The following DOK6 variants were observed in gnomAD, a reference collection of about 807,000 sequenced individuals.
DOK6 encodes docking protein 6.
DOK6 carries 22 observed loss-of-function variants against 44.0 expected under a neutral mutation model. That is an observed-to-expected ratio of 0.50 (90% CI 0.36 to 0.71). The LOEUF is 0.71. Ranked by LOEUF, DOK6 falls within the 30% of genes least tolerant of loss-of-function variation. The pLI, the probability that DOK6 is intolerant of heterozygous loss-of-function variation, is 0.00. For synonymous variants in DOK6, 166 were observed against 145.5 expected, an observed-to-expected ratio of 1.14 and a Z score of -1.01; for missense variants, 340 against 416.4, an observed-to-expected ratio of 0.82 and a Z score of 1.60.
intron 5 of DOK6, among the ~76,000 whole-genome samples, chr18:69,724,404 A>T (rs943516572): frequency 7.2e-5 from 11 of 152,226 alleles, no homozygotes; most frequent in African/African-American, 2.7e-4. Context: ...TTTAACAACT[A>T]GCAAAGCTGA....
chr18:69,560,588 A>G (rs1982805204), intron 1 of DOK6, among the ~76,000 whole-genome samples: 1 of 151,718 alleles, frequency 6.6e-6, no homozygotes, highest in South Asian at 2.1e-4. Context: ...TGAAAACTTT[A>G]AAACTATACT....
intron 7 of DOK6, among the ~76,000 whole-genome samples, chr18:69,768,591 C>A (rs1979789763): frequency 6.7e-6 from 1 of 150,118 alleles, no homozygotes; most frequent in South Asian, 2.2e-4. Context: ...GTATTTTGAA[C>A]AAGTTTTCCT....
chr18:69,837,841 T>C (rs1823231022), intron 7 of DOK6, among the ~76,000 whole-genome samples: 1 of 152,324 alleles, frequency 6.6e-6, no homozygotes, highest in Middle Eastern at 3.4e-3. Context: ...TGAAGTGACA[T>C]GTACAGTTTT....
intron 5 of DOK6, among the ~76,000 whole-genome samples, chr18:69,713,789 A>T (rs1599280318): frequency 6.6e-6 from 1 of 152,098 alleles, no homozygotes; most frequent in East Asian, 1.9e-4. Context: ...CCTCCTTTTC[A>T]AGTGGAACCC....
intron 4 of DOK6, among the ~76,000 whole-genome samples, chr18:69,682,681 A>G (rs1986069814): frequency 6.6e-6 from 1 of 152,210 alleles, no homozygotes; most frequent in South Asian, 2.1e-4. Context: ...CTATGAGGCC[A>G]CAATAGCAGT....
intron 1 of DOK6, among the ~76,000 whole-genome samples, chr18:69,501,332 G>A (rs141056645): frequency 2.0e-3 from 301 of 152,062 alleles, no homozygotes; most frequent in African/African-American, 6.7e-3. Flanking sequence ...ATCAAGCTCC[G>A]AATAAAAGAG....
chr18:69,584,173 A>C (rs1983443488), intron 2 of DOK6, among the ~76,000 whole-genome samples: 1 of 152,100 alleles, frequency 6.6e-6, no homozygotes, highest in South Asian at 2.1e-4. Context: ...AAACACTGTT[A>C]AAACAGTATC....
At chr18:69,444,542 T>C (rs1979224688) in intron 1 of DOK6, among the ~76,000 whole-genome samples, 1 of 152,208 alleles carries the variant, frequency 6.6e-6, no homozygotes, top group Admixed American at 6.5e-5. Context: ...TTGCCATCTT[T>C]ATTGCTGTCT....
intron 1 of DOK6, chr18:69,469,686 G>T (rs768684604): frequency 1.2e-5 from 3 of 253,866 alleles, no homozygotes; most frequent in Middle Eastern, 4.3e-4. Context: ...CCGGAGATAC[G>T]CTGCTGTGGG....
At chr18:69,578,197 A>T (rs574823392) in intron 2 of DOK6, among the ~76,000 whole-genome samples, 48 of 152,296 alleles carry the variant, frequency 3.2e-4, no homozygotes, top group African/African-American at 1.2e-3. Flanking sequence ...TTTTAAATTT[A>T]TCCATTTTTT....
rs547299472 is a variant in DOK6 at position 69,598,918 on chromosome 18, G to A, written c.175-466G>A. Among the ~76,000 whole-genome samples the A allele has an allele frequency of 2.6e-5, 4 of 152,216 alleles. No homozygotes were observed. In the South Asian group the frequency reaches 6.2e-4, roughly 24 times the overall value. On this transcript the variant is annotated intron_variant, in intron 2 of 7. Coordinates refer to ENST00000382713, the MANE Select transcript of DOK6 (RefSeq NM_152721.6). The stretch of plus-strand genomic sequence containing the variant: ...ATTGCTCTAAAATGTACCTTTTGGA[G>A]CAATGGACTTGCTTTCCAGTCACTT...
chr18:69,559,090 G>A (rs1982763031), intron 1 of DOK6, among the ~76,000 whole-genome samples: 1 of 152,008 alleles, frequency 6.6e-6, no homozygotes, highest in African/African-American at 2.4e-5. Flanking sequence ...TAATGTAATA[G>A]CAAAGAGATA....
intron 1 of DOK6, among the ~76,000 whole-genome samples, chr18:69,514,200 C>G (rs1981452216): frequency 6.6e-6 from 1 of 151,210 alleles, no homozygotes; most frequent in South Asian, 2.1e-4. Flanking sequence ...TTTTACTGAT[C>G]ACTTTGAGGT....
In DOK6 at chr18:69,545,640, T is replaced by C. The variant is rs34405552; in HGVS notation, c.67-18847T>C. Among the ~76,000 whole-genome samples, 1,108 of 151,386 alleles carry C rather than the reference T, an allele frequency of 7.3e-3. 23 individuals carry two copies. The highest frequency in any genetic ancestry group is 0.025 in the African/African-American group (1,057 of 41,484). ...CAGTTGTTTTCCTGGATTATTAATA[T>C]GAAGAGAAAGCTAAATAATAGAACT... On this transcript the variant is annotated intron_variant, in intron 1 of 7. Coordinates refer to ENST00000382713, the MANE Select transcript of DOK6 (RefSeq NM_152721.6).
chr18:69,648,798 G>A (rs1420993533), intron 3 of DOK6, among the ~76,000 whole-genome samples: 2 of 152,170 alleles, frequency 1.3e-5, no homozygotes, highest in Non-Finnish European at 2.9e-5. Context: ...TAAAATAGCT[G>A]TTCATGCAAC....
chr18:69,638,543 T>C (rs997619733), intron 3 of DOK6, among the ~76,000 whole-genome samples: 8 of 152,168 alleles, frequency 5.3e-5, no homozygotes, highest in African/African-American at 1.9e-4. Flanking sequence ...GGCTGAAGTA[T>C]TTAGTATTTT....
At position 69,505,654 on chromosome 18, in the gene DOK6, C is replaced by T. The variant is rs572342790; in HGVS notation, c.67-58833C>T. ...CTGGGACTACAGGCGCCCACCACCA[C>T]GCCAAGCTAATTTTTGTATTTTTAG... On this transcript the variant is annotated intron_variant, in intron 1 of 7. Transcript: ENST00000382713. 2.7e-3 allele frequency among the ~76,000 whole-genome samples: 406 copies of T among 151,754 alleles called. 2 individuals carry two copies. The highest frequency in any genetic ancestry group is 8.1e-3 in the African/African-American group (333 of 41,362).
chr18:69,449,751 C>A (rs1377884478), intron 1 of DOK6, among the ~76,000 whole-genome samples: 1 of 151,574 alleles, frequency 6.6e-6, no homozygotes, highest in East Asian at 2.0e-4. Context: ...GGTCCCTGAC[C>A]CCTGACCCCC....
intron 3 of DOK6, among the ~76,000 whole-genome samples, chr18:69,617,324 A>C (rs1984308997): frequency 7.4e-6 from 1 of 134,630 alleles, no homozygotes; most frequent in Non-Finnish European, 1.6e-5. Flanking sequence ...AAAGAGAGAG[A>C]AAGAAAAGAA....
Sources: gnomAD v4.1 joint callset for allele counts (sites outside exome capture counted in the v4.1 genomes callset) on GRCh38, gnomAD v4.1.1 for gene constraint, MANE v1.5 for transcripts, NCBI Gene and HGNC (gene_info 2026-07-23, HGNC 2026-07-21) for gene names.